FILIP1L: variants seen among roughly 807,000 people sequenced by gnomAD.
FILIP1L encodes filamin A interacting protein 1 like, also known as filamin A-interacting protein 1-like.
Under a neutral mutation model 96.6 loss-of-function variants are expected in FILIP1L, and 55 were observed. That is an observed-to-expected ratio of 0.57 (90% CI 0.46 to 0.71). The LOEUF (loss-of-function observed/expected upper bound fraction) is 0.71. Among genes scored for constraint, FILIP1L ranks in the 30% least tolerant of loss-of-function variants. The pLI is 0.00. For missense variants in FILIP1L, 1,304 were observed against 1,321.2 expected (o/e 0.99, Z 0.20); for synonymous variants, 467 against 473.9 (o/e 0.99, Z 0.19).
intron 1 of FILIP1L, among the ~76,000 whole-genome samples, chr3:100,043,520 G>A (rs755418806): frequency 6.6e-6 from 1 of 152,078 alleles, no homozygotes; most frequent in East Asian, 1.9e-4. Context: ...TTTGCTGTGG[G>A]AGACAGGCTC....
chr3:100,057,811 T>C (rs1470839307), intron 1 of FILIP1L, among the ~76,000 whole-genome samples: 1 of 152,174 alleles, frequency 6.6e-6, no homozygotes, highest in Non-Finnish European at 1.5e-5. Context: ...ACCCTAGGTT[T>C]TTTTAACAGG....
At position 99,961,384 on chromosome 3, in the gene FILIP1L, T is replaced by C. The variant is rs572240062; in HGVS notation, c.-10-30354A>G. On this transcript the variant is annotated intron_variant, in intron 1 of 5. Coordinates refer to ENST00000477258, the MANE Select transcript of FILIP1L (RefSeq NM_001387850.1). ...TATATATACCTTAAAATGTAACCTT[T>C]GATCATCCCTTTATGTATCTACAAT... Among the ~76,000 whole-genome samples, 13 of 152,308 alleles carry C rather than the reference T, an allele frequency of 8.5e-5. 1 individual carries two copies. In the South Asian group the frequency reaches 2.7e-3, roughly 32 times the overall value.
At chr3:99,884,881 A>G (rs932295671) in intron 4 of FILIP1L, among the ~76,000 whole-genome samples, 1 of 152,242 alleles carries the variant, frequency 6.6e-6, no homozygotes, top group African/African-American at 2.4e-5. Context: ...GCCTGTGTCC[A>G]GAAACTATTT....
At chr3:99,976,093 C>T (rs1240534406) in intron 1 of FILIP1L, among the ~76,000 whole-genome samples, 1 of 152,108 alleles carries the variant, frequency 6.6e-6, no homozygotes, top group African/African-American at 2.4e-5. Flanking sequence ...CCATGTTTTC[C>T]AGGCTGGTCT....
chr3:99,998,417 G>A (rs1048329574), intron 1 of FILIP1L, among the ~76,000 whole-genome samples: 2 of 152,100 alleles, frequency 1.3e-5, no homozygotes, highest in Admixed American at 6.5e-5. Flanking sequence ...TTCTTTGAGT[G>A]GGGTAAACTA....
intron 1 of FILIP1L, among the ~76,000 whole-genome samples, chr3:99,989,058 C>T (rs187436223): frequency 6.6e-6 from 1 of 152,322 alleles, no homozygotes; most frequent in East Asian, 1.9e-4. Context: ...TCTTCCATCT[C>T]ATAAACTTAC....
At chr3:100,054,490 TTGTTATGTTATGTTATGTTATGTTA>T (rs10668094) in intron 1 of FILIP1L, among the ~76,000 whole-genome samples, 15 of 146,086 alleles carry the variant, frequency 1.0e-4, no homozygotes, top group Non-Finnish European at 1.5e-4. Context: ...ATGTTATGTT[TTGTTATGTTATGTTATGTTATGTTA>T]TGTTATGTTA....
Position 99,830,285 on chromosome 3 carries a change from T to G in FILIP1L, c.*129A>C, listed in dbSNP as rs1942627576. The G allele has an allele frequency of 2.9e-6, 1 of 344,284 alleles. No individual in the cohort carries two copies. The highest frequency in any genetic ancestry group is 3.8e-5 in the Admixed American group (1 of 26,126). 21.3% of individuals were successfully genotyped at this position (344,284 alleles called of 1,614,324 possible). A position where few individuals can be genotyped will look rare whatever the true frequency, so the allele number is the denominator to read the frequency against. On this transcript the variant is annotated 3_prime_UTR_variant, in exon 6 of 6. Transcript: ENST00000477258. ...AGACGTGCTGCTTTTTGGGGGATGA[T>G]CTTCATCAGGTCCACAAAGCTGCTT...
chr3:99,841,967 A>G (rs548906022), intron 5 of FILIP1L, among the ~76,000 whole-genome samples: 1 of 152,360 alleles, frequency 6.6e-6, no homozygotes, highest in African/African-American at 2.4e-5. Context: ...TTGATCCAGC[A>G]GTCCCACTCC....
intron 1 of FILIP1L, among the ~76,000 whole-genome samples, chr3:100,074,246 T>C (rs901987551): frequency 1.3e-5 from 2 of 152,248 alleles, no homozygotes; most frequent in African/African-American, 2.4e-5. Flanking sequence ...AGGCACAGAC[T>C]GTGGAGAGCT....
At chr3:100,016,429 G>A (rs900880877) in intron 1 of FILIP1L, among the ~76,000 whole-genome samples, 3 of 152,162 alleles carry the variant, frequency 2.0e-5, no homozygotes, top group Non-Finnish European at 1.5e-5. Flanking sequence ...GACCTCAGGT[G>A]ATCCACCCAC....
At chr3:99,864,592 G>A (rs1340163871) in intron 4 of FILIP1L, among the ~76,000 whole-genome samples, 1 of 152,112 alleles carries the variant, frequency 6.6e-6, no homozygotes, top group African/African-American at 2.4e-5. Context: ...CCTCAGAAGA[G>A]TTTCCTCTTA....
At chr3:100,028,128 G>A (rs1335497800) in intron 1 of FILIP1L, among the ~76,000 whole-genome samples, 1 of 152,132 alleles carries the variant, frequency 6.6e-6, no homozygotes, top group Non-Finnish European at 1.5e-5. Context: ...AAACACTAAT[G>A]CCAGGCAGCA....
intron 4 of FILIP1L, among the ~76,000 whole-genome samples, chr3:99,891,886 C>G (rs1706093107): frequency 6.6e-6 from 1 of 152,124 alleles, no homozygotes; most frequent in African/African-American, 2.4e-5. Context: ...AAGTTCTAGT[C>G]ATTCTTAGGT....
At chr3:99,878,245 C>G (rs977430410) in intron 4 of FILIP1L, among the ~76,000 whole-genome samples, 2 of 152,102 alleles carry the variant, frequency 1.3e-5, no homozygotes, top group African/African-American at 4.8e-5. Context: ...ATTAATAGCC[C>G]TCATTTGTTG....
chr3:100,068,797 T>C (rs753458735), intron 1 of FILIP1L, among the ~76,000 whole-genome samples: 2 of 152,146 alleles, frequency 1.3e-5, no homozygotes, highest in Non-Finnish European at 2.9e-5. Context: ...CCAGCTAATT[T>C]TTGTATTTTT....
intron 1 of FILIP1L, among the ~76,000 whole-genome samples, chr3:100,097,840 C>G (rs1261167929): frequency 6.6e-6 from 1 of 152,172 alleles, no homozygotes; most frequent in African/African-American, 2.4e-5. Context: ...TGGATACTTG[C>G]TACCTTCTAA....
intron 4 of FILIP1L, among the ~76,000 whole-genome samples, chr3:99,893,622 T>TA (rs1378164680): frequency 2.0e-5 from 3 of 152,218 alleles, no homozygotes; most frequent in African/African-American, 7.2e-5. Flanking sequence ...ATCTAAGAAT[T>TA]ACATCATTTG....
intron 1 of FILIP1L, among the ~76,000 whole-genome samples, chr3:100,104,796 C>T (rs1228184130): frequency 6.6e-6 from 1 of 152,092 alleles, no homozygotes; most frequent in Non-Finnish European, 1.5e-5. Flanking sequence ...AAGAGTCACC[C>T]CTGTTATTTT....
Sources: gnomAD v4.1 joint callset for allele counts (sites outside exome capture counted in the v4.1 genomes callset) on GRCh38, gnomAD v4.1.1 for gene constraint, MANE v1.5 for transcripts, NCBI Gene and HGNC (gene_info 2026-07-23, HGNC 2026-07-21) for gene names.